Variants in ARHGAP15 observed in about 807,000 individuals in gnomAD.
ARHGAP15 encodes the protein Rho GTPase activating protein 15.
A neutral mutation model predicts 63.7 loss-of-function variants in ARHGAP15; 51 were observed. That is an observed-to-expected ratio of 0.80 (90% CI 0.64 to 1.01). The LOEUF is 1.01. Among genes scored for constraint, ARHGAP15 ranks in the 50% least tolerant of loss-of-function variants. ARHGAP15 has a pLI of 0.00. For synonymous variants in ARHGAP15, 191 were observed against 193.8 expected, an observed-to-expected ratio of 0.99 and a Z score of 0.12; for missense variants, 560 against 564.6, an observed-to-expected ratio of 0.99 and a Z score of 0.08.
chr2:143,155,695 A>G (rs1384482729), intron 2 of ARHGAP15, 40 bp downstream of exon 2: 1 of 1,498,936 alleles, frequency 6.7e-7, no homozygotes, highest in Non-Finnish European at 8.9e-7. Flanking sequence ...TCCTTGTCAT[A>G]CAGAATTTTG....
chr2:143,166,797 C>G (rs2105036499), intron 2 of ARHGAP15, among the ~76,000 whole-genome samples: 1 of 152,208 alleles, frequency 6.6e-6, no homozygotes, highest in African/African-American at 2.4e-5. Flanking sequence ...CTACTTTAAA[C>G]TCCCTTGCGC....
At chr2:143,461,645 T>C (rs1218949506) in intron 8 of ARHGAP15, among the ~76,000 whole-genome samples, 1 of 152,126 alleles carries the variant, frequency 6.6e-6, no homozygotes, top group African/African-American at 2.4e-5. Flanking sequence ...ATCAGGAAAA[T>C]GTTTAAACAG....
intron 8 of ARHGAP15, among the ~76,000 whole-genome samples, chr2:143,470,928 G>GTA (rs897130087): frequency 2.0e-5 from 3 of 146,640 alleles, no homozygotes; most frequent in African/African-American, 7.4e-5. Context: ...GTGTATATGT[G>GTA]TATATATGTG....
chr2:143,657,044 T>C (rs934117179), intron 12 of ARHGAP15, among the ~76,000 whole-genome samples: 1 of 151,790 alleles, frequency 6.6e-6, no homozygotes, highest in Non-Finnish European at 1.5e-5. Context: ...GTTGATCAAA[T>C]ACTTTAAAAA....
intron 6 of ARHGAP15, among the ~76,000 whole-genome samples, chr2:143,312,730 C>T (rs1683507935): frequency 6.6e-6 from 1 of 152,158 alleles, no homozygotes; most frequent in African/African-American, 2.4e-5. Context: ...CTGACTTTGA[C>T]AGGCTACAGA....
chr2:143,619,051 G>A (rs1698556444), intron 11 of ARHGAP15, among the ~76,000 whole-genome samples: 1 of 151,776 alleles, frequency 6.6e-6, no homozygotes, highest in Non-Finnish European at 1.5e-5. Context: ...GGCCTCAGGT[G>A]ATCTGCCCAC....
At chr2:143,738,441 A>C (rs1380683247) in intron 13 of ARHGAP15, among the ~76,000 whole-genome samples, 3 of 152,182 alleles carry the variant, frequency 2.0e-5, no homozygotes, top group Non-Finnish European at 2.9e-5. Flanking sequence ...CCATCCCAGC[A>C]GATACCAATA....
intron 6 of ARHGAP15, among the ~76,000 whole-genome samples, chr2:143,342,903 T>C (rs563406968): frequency 6.9e-6 from 1 of 144,840 alleles, no homozygotes; most frequent in African/African-American, 2.5e-5. Context: ...CTTGTTTTAA[T>C]CTTTTTTTGT....
intron 6 of ARHGAP15, among the ~76,000 whole-genome samples, chr2:143,390,416 C>T (rs1488064982): frequency 2.0e-5 from 3 of 152,196 alleles, no homozygotes; most frequent in Non-Finnish European, 4.4e-5. Context: ...ACCACCTGAT[C>T]TGTGCTAACA....
chr2:143,429,139 TA>T (rs1275428871), intron 6 of ARHGAP15, among the ~76,000 whole-genome samples: 2 of 152,110 alleles, frequency 1.3e-5, no homozygotes, highest in Middle Eastern at 3.4e-3. Flanking sequence ...ATTACTTGGA[TA>T]GTATTCTTTC....
At chr2:143,732,011 CT>C (rs1559150401) in intron 13 of ARHGAP15, among the ~76,000 whole-genome samples, 1 of 152,182 alleles carries the variant, frequency 6.6e-6, no homozygotes, top group African/African-American at 2.4e-5. Context: ...GCAAAATTGC[CT>C]TCCTTCTCAG....
intron 11 of ARHGAP15, among the ~76,000 whole-genome samples, chr2:143,589,646 G>A (rs1697247372): frequency 6.6e-6 from 1 of 152,096 alleles, no homozygotes; most frequent in Admixed American, 6.6e-5. Flanking sequence ...TAGGTCTAGG[G>A]TAGGCTTCTT....
intron 13 of ARHGAP15, among the ~76,000 whole-genome samples, chr2:143,719,241 T>C (rs563384663): frequency 5.3e-5 from 8 of 152,330 alleles, no homozygotes; most frequent in Admixed American, 2.6e-4. Context: ...TTACTTCATT[T>C]ATTGATTTTC....
intron 6 of ARHGAP15, among the ~76,000 whole-genome samples, chr2:143,320,403 TCCCCAC>T (rs1683953896): frequency 2.7e-3 from 24 of 8,978 alleles, no homozygotes; most frequent in East Asian, 5.2e-3. Context: ...AATCAGGACT[TCCCCAC>T]CCCCCCCCCC....
intron 13 of ARHGAP15, among the ~76,000 whole-genome samples, chr2:143,723,317 T>G (rs1574892589): frequency 6.6e-6 from 1 of 152,106 alleles, no homozygotes; most frequent in African/African-American, 2.4e-5. Flanking sequence ...CTATGTGAAA[T>G]GGACTTAGGG....
intron 6 of ARHGAP15, among the ~76,000 whole-genome samples, chr2:143,333,759 CAGAAA>C: frequency 6.6e-6 from 1 of 152,000 alleles, no homozygotes; most frequent in Non-Finnish European, 1.5e-5. Context: ...GCATTAGGCA[CAGAAA>C]CAAGATTCGG....
At chr2:143,315,490 T>A (rs1210470230) in intron 6 of ARHGAP15, among the ~76,000 whole-genome samples, 2 of 152,282 alleles carry the variant, frequency 1.3e-5, no homozygotes, top group East Asian at 3.9e-4. Flanking sequence ...GGATAATTTT[T>A]GAAAAATACA....
At chr2:143,360,741 G>GA (rs1465165739) in intron 6 of ARHGAP15, among the ~76,000 whole-genome samples, 2 of 152,164 alleles carry the variant, frequency 1.3e-5, no homozygotes, top group African/African-American at 4.8e-5. Context: ...GTGACTATGT[G>GA]AAGGTGGAAG....
rs1685494663 is a variant in ARHGAP15 at position 143,350,208 on chromosome 2, AT to A, written c.475-85389del. Among the ~76,000 whole-genome samples, 3 of 152,208 alleles carry A rather than the reference AT, an allele frequency of 2.0e-5. No individual in the cohort carries two copies. In the East Asian group the frequency reaches 5.8e-4, roughly 30 times the overall value. On this transcript the variant is annotated intron_variant, in intron 6 of 13. Coordinates refer to ENST00000295095, the MANE Select transcript of ARHGAP15 (RefSeq NM_018460.4). ...TCTATTCATGTTTATAATTAGTTTA[AT>A]TTTCAGCATATTTTTTAAAAAGCAT...
Sources: gnomAD v4.1 joint callset for allele counts (sites outside exome capture counted in the v4.1 genomes callset) on GRCh38, gnomAD v4.1.1 for gene constraint, MANE v1.5 for transcripts, NCBI Gene and HGNC (gene_info 2026-07-23, HGNC 2026-07-21) for gene names.